The following NRXN1 variants were observed in gnomAD, a reference collection of about 807,000 sequenced individuals.
NRXN1 encodes the protein neurexin-1.
In NRXN1, 39 loss-of-function variants were observed where a neutral mutation model predicts 150.9. That is an observed-to-expected ratio of 0.26 (90% CI 0.20 to 0.34). NRXN1 has a LOEUF of 0.34. Among genes scored for constraint, NRXN1 ranks in the 10% least tolerant of loss-of-function variants. NRXN1 has a pLI of 1.00. For missense variants in NRXN1, 1,815 were observed against 1,949.9 expected (o/e 0.93, Z 1.30); for synonymous variants, 924 against 757.0 (o/e 1.22, Z -3.62).
At chr2:50,649,145 G>C (rs1020344642) in intron 5 of NRXN1, among the ~76,000 whole-genome samples, 1 of 151,822 alleles carries the variant, frequency 6.6e-6, no homozygotes, top group Non-Finnish European at 1.5e-5. Context: ...ATGAACAATA[G>C]TTAGAATTGT....
At chr2:50,445,620 T>C (rs1230254016) in intron 17 of NRXN1, among the ~76,000 whole-genome samples, 7 of 152,192 alleles carry the variant, frequency 4.6e-5, no homozygotes, top group Non-Finnish European at 1.0e-4. Context: ...ATCCTTAGTG[T>C]ATTAGGATAC....
intron 17 of NRXN1, among the ~76,000 whole-genome samples, chr2:50,366,576 T>C (rs925386077): frequency 9.2e-5 from 14 of 151,982 alleles, no homozygotes; most frequent in African/African-American, 3.4e-4. Flanking sequence ...CAAAACATCC[T>C]TAGAGTGAGA....
At chr2:50,756,136 A>G (rs1393614666) in intron 5 of NRXN1, among the ~76,000 whole-genome samples, 1 of 151,764 alleles carries the variant, frequency 6.6e-6, no homozygotes, top group African/African-American at 2.4e-5. Context: ...CCTATGCTAC[A>G]TGGTCTTTCC....
At chr2:50,544,361 G>A (rs999178786) in intron 9 of NRXN1, among the ~76,000 whole-genome samples, 1 of 152,030 alleles carries the variant, frequency 6.6e-6, no homozygotes, top group Non-Finnish European at 1.5e-5. Context: ...GTGTAATTAT[G>A]AGTGTTATTT....
At chr2:50,475,839 G>A (rs779546060) in intron 15 of NRXN1, among the ~76,000 whole-genome samples, 4 of 150,868 alleles carry the variant, frequency 2.7e-5, no homozygotes, top group Non-Finnish European at 5.9e-5. Flanking sequence ...TATCAAAGAT[G>A]CAGGTTCTCT....
intron 17 of NRXN1, among the ~76,000 whole-genome samples, chr2:50,237,445 T>C (rs573203697): frequency 5.3e-5 from 8 of 152,096 alleles, no homozygotes; most frequent in Non-Finnish European, 1.0e-4. Flanking sequence ...GTAACTTTTA[T>C]GGAAAAAGGA....
chr2:50,239,491 A>C (rs2065786004), intron 17 of NRXN1, among the ~76,000 whole-genome samples: 1 of 31,552 alleles, frequency 3.2e-5, no homozygotes, highest in Non-Finnish European at 5.4e-5. Context: ...TTTAAACATC[A>C]CTTTCACAAT....
At chr2:50,108,203 T>A (rs185451857) in intron 18 of NRXN1, among the ~76,000 whole-genome samples, 1 of 152,158 alleles carries the variant, frequency 6.6e-6, no homozygotes, top group East Asian at 1.9e-4. Context: ...CCTAAATGTA[T>A]AAAATTAGAA....
intron 2 of NRXN1, among the ~76,000 whole-genome samples, chr2:50,981,731 A>C (rs770412375): frequency 2.0e-5 from 3 of 151,918 alleles, no homozygotes; most frequent in Non-Finnish European, 4.4e-5. Context: ...ATAACCACCA[A>C]CAAAGGGATT....
chr2:49,987,340 C>A (rs73930967), intron 21 of NRXN1, among the ~76,000 whole-genome samples: 1 of 152,124 alleles, frequency 6.6e-6, no homozygotes, highest in Non-Finnish European at 1.5e-5. Flanking sequence ...TTTCCCCTGT[C>A]CTAAGCCTTG....
At chr2:50,742,607 C>CAAAAAAA (rs376431319) in intron 5 of NRXN1, among the ~76,000 whole-genome samples, 1 of 69,858 alleles carries the variant, frequency 1.4e-5, no homozygotes, top group African/African-American at 6.0e-5. Flanking sequence ...GACTCCGTCT[C>CAAAAAAA]AAAAAAAAAA....
intron 9 of NRXN1, 59 bp from the exon 10 acceptor site, chr2:50,538,695 T>C: frequency 7.5e-7 from 1 of 1,335,920 alleles, no homozygotes; most frequent in East Asian, 2.5e-5. Flanking sequence ...GTTATAATTA[T>C]CTTTCTCTCT....
chr2:50,125,009 T>G (rs974367625), intron 18 of NRXN1, among the ~76,000 whole-genome samples: 4 of 152,166 alleles, frequency 2.6e-5, no homozygotes, highest in African/African-American at 9.7e-5. Flanking sequence ...AACATAGATA[T>G]GTATGTAAGT....
chr2:50,913,810 G>A (rs545679399), intron 5 of NRXN1, among the ~76,000 whole-genome samples: 1 of 151,558 alleles, frequency 6.6e-6, no homozygotes, highest in Non-Finnish European at 1.5e-5. Context: ...TATATAAGTA[G>A]GTATAATATG....
intron 17 of NRXN1, among the ~76,000 whole-genome samples, chr2:50,335,217 A>G (rs2077101704): frequency 6.6e-6 from 1 of 152,208 alleles, no homozygotes. Context: ...TGTTTTAAAA[A>G]TTGATAATTA....
At chr2:50,825,120 T>A (rs534225928) in intron 5 of NRXN1, among the ~76,000 whole-genome samples, 1 of 152,150 alleles carries the variant, frequency 6.6e-6, no homozygotes, top group African/African-American at 2.4e-5. Flanking sequence ...TTTGGCAAAA[T>A]AGGGCACCCA....
intron 17 of NRXN1, among the ~76,000 whole-genome samples, chr2:50,268,972 G>C (rs1171342738): frequency 6.6e-6 from 1 of 152,132 alleles, no homozygotes; most frequent in Non-Finnish European, 1.5e-5. Flanking sequence ...ATGCCAAGCA[G>C]ACTATGCAAG....
chr2:50,360,313 G>A (rs770308132), intron 17 of NRXN1, among the ~76,000 whole-genome samples: 20 of 152,170 alleles, frequency 1.3e-4, no homozygotes, highest in Non-Finnish European at 2.6e-4. Flanking sequence ...AGGCAAGACT[G>A]GCAAATTGGA....
At chr2:50,027,032 C>T (rs12713084) in intron 21 of NRXN1, among the ~76,000 whole-genome samples, 104,744 of 151,150 alleles carry the variant, frequency 0.69, 36,449 homozygotes, top group Middle Eastern at 0.75. Flanking sequence ...CAGGTGTGTG[C>T]CACCACACCC....
Sources: allele counts gnomAD v4.1 joint callset (sites outside exome capture counted in the v4.1 genomes callset), GRCh38; gene constraint gnomAD v4.1.1; transcripts MANE v1.5; gene names NCBI Gene and HGNC (gene_info 2026-07-23, HGNC 2026-07-21).